The following PPP1R9A variants were observed in gnomAD, a reference collection of about 807,000 sequenced individuals.
PPP1R9A encodes protein phosphatase 1 regulatory subunit 9A.
PPP1R9A carries 59 observed loss-of-function variants against 141.9 expected under a neutral mutation model. That is an observed-to-expected ratio of 0.42 (90% CI 0.34 to 0.52). PPP1R9A has a LOEUF of 0.52. Ranked by LOEUF, PPP1R9A falls within the 20% of genes least tolerant of loss-of-function variation. The pLI, the probability that PPP1R9A is intolerant of heterozygous loss-of-function variation, is 0.10. For missense variants in PPP1R9A, 1,444 were observed against 1,611.9 expected (o/e 0.90, Z 1.78); for synonymous variants, 500 against 569.7 (o/e 0.88, Z 1.74).
intron 2 of PPP1R9A, among the ~76,000 whole-genome samples, chr7:95,019,969 G>A (rs1805671919): frequency 6.6e-6 from 1 of 152,090 alleles, no homozygotes; most frequent in Non-Finnish European, 1.5e-5. Context: ...ATCAACAGGT[G>A]AATGGAGAAA....
chr7:94,997,418 G>A (rs1461509249), intron 2 of PPP1R9A, among the ~76,000 whole-genome samples: 2 of 151,970 alleles, frequency 1.3e-5, no homozygotes, highest in African/African-American at 2.4e-5. Flanking sequence ...TGTTTTGAGT[G>A]CTGTCAAAGC....
intron 2 of PPP1R9A, among the ~76,000 whole-genome samples, chr7:94,942,461 G>A (rs12668984): frequency 1.3e-5 from 2 of 152,134 alleles, no homozygotes; most frequent in Non-Finnish European, 1.5e-5. Context: ...GTAAATAAAG[G>A]TTTATTGAAT....
chr7:95,048,898 A>G (rs1042616751), intron 2 of PPP1R9A, among the ~76,000 whole-genome samples: 3 of 152,152 alleles, frequency 2.0e-5, no homozygotes, highest in African/African-American at 4.8e-5. Flanking sequence ...AACCATTTAT[A>G]TAAGTGTATC....
At chr7:95,144,776 G>A (rs549755621) in intron 4 of PPP1R9A, among the ~76,000 whole-genome samples, 162 of 152,276 alleles carry the variant, frequency 1.1e-3, no homozygotes, top group African/African-American at 3.8e-3. Context: ...CAGACGGGAA[G>A]GGAAGAAGGT....
At chr7:95,001,072 G>A (rs1351465669) in intron 2 of PPP1R9A, among the ~76,000 whole-genome samples, 3 of 152,140 alleles carry the variant, frequency 2.0e-5, no homozygotes, top group African/African-American at 4.8e-5. Context: ...TCCCAGATCT[G>A]TCATTACTGC....
chr7:95,017,536 A>T (rs1348341507), intron 2 of PPP1R9A, among the ~76,000 whole-genome samples: 3 of 152,166 alleles, frequency 2.0e-5, no homozygotes, highest in Non-Finnish European at 2.9e-5. Context: ...CAAAACAAAG[A>T]TGTCTAAGAC....
intron 2 of PPP1R9A, among the ~76,000 whole-genome samples, chr7:94,968,149 C>G (rs142946963): frequency 0.023 from 3,446 of 152,124 alleles, 38 homozygotes; most frequent in Non-Finnish European, 0.033. Flanking sequence ...GCATTGATCC[C>G]TATACCATTA....
intron 2 of PPP1R9A, among the ~76,000 whole-genome samples, chr7:95,051,323 G>A (rs1366084288): frequency 2.6e-5 from 4 of 152,028 alleles, no homozygotes; most frequent in Non-Finnish European, 4.4e-5. Context: ...CTAGGCTATC[G>A]TGTACAATTG....
chr7:95,143,068 T>C (rs1414584968), intron 4 of PPP1R9A, among the ~76,000 whole-genome samples: 1 of 152,166 alleles, frequency 6.6e-6, no homozygotes, highest in African/African-American at 2.4e-5. Context: ...TCTCTGAAGA[T>C]TGGAGTCCTG....
At chr7:95,004,267 G>T (rs1803314984) in intron 2 of PPP1R9A, among the ~76,000 whole-genome samples, 1 of 151,790 alleles carries the variant, frequency 6.6e-6, no homozygotes, top group Non-Finnish European at 1.5e-5. Context: ...GTGCTTTTTT[G>T]CTAAGCTGTG....
chr7:95,280,232 G>A (rs1239295904), intron 16 of PPP1R9A, among the ~76,000 whole-genome samples: 1 of 152,182 alleles, frequency 6.6e-6, no homozygotes, highest in African/African-American at 2.4e-5. Context: ...ATACAAGTCT[G>A]CAATCTTCCT....
rs952460575 is a variant in PPP1R9A at position 95,051,423 on chromosome 7, A to G, written c.1396-59836A>G. On this transcript the variant is annotated intron_variant, in intron 2 of 19. Coordinates refer to ENST00000433360, the MANE Select transcript of PPP1R9A (RefSeq NM_001166160.2). The stretch of plus-strand genomic sequence containing the variant: ...GAAGTTAGGTAGTGTTGGTCCTCCA[A>G]CTTTGTTCTTCTCCTTCAGTATTGT... 3.3e-5 allele frequency among the ~76,000 whole-genome samples: 5 copies of G among 151,996 alleles called. 1 individual carries two copies. The highest frequency in any genetic ancestry group is 3.3e-4 in the Admixed American group (5 of 15,264).
chr7:94,950,457 T>A (rs1159855265), intron 2 of PPP1R9A, among the ~76,000 whole-genome samples: 1 of 152,094 alleles, frequency 6.6e-6, no homozygotes, highest in African/African-American at 2.4e-5. Context: ...ATAAGAGAGC[T>A]CTTCTTAGCC....
chr7:95,142,708 A>G (rs539983792), intron 4 of PPP1R9A, among the ~76,000 whole-genome samples: 26 of 152,168 alleles, frequency 1.7e-4, no homozygotes, highest in African/African-American at 5.8e-4. Flanking sequence ...AATTTTTTTA[A>G]TGAGTGATAT....
intron 8 of PPP1R9A, among the ~76,000 whole-genome samples, chr7:95,234,066 C>T (rs1796344543): frequency 6.6e-6 from 1 of 152,114 alleles, no homozygotes; most frequent in Non-Finnish European, 1.5e-5. Flanking sequence ...AGACCCACAA[C>T]CAACATTATA....
chr7:95,258,229 C>T (rs1481941060), intron 12 of PPP1R9A, among the ~76,000 whole-genome samples: 7 of 151,954 alleles, frequency 4.6e-5, no homozygotes, highest in African/African-American at 9.7e-5. Flanking sequence ...TGAGATGGTA[C>T]CTCATTGTGG....
rs1219244435 is a variant in PPP1R9A, at chr7:95,291,416, G to GT, written c.*1118dup. ...TAACATTTTAGAGAGATTTTGAATG[G>GT]TTTTTCCGAACCATTCCTTTCCATA... On this transcript the variant is annotated 3_prime_UTR_variant, in exon 20 of 20. Coordinates refer to ENST00000433360, the MANE Select transcript of PPP1R9A (RefSeq NM_001166160.2). 1 of 152,136 alleles carries GT rather than the reference G, an allele frequency of 6.6e-6. No individual in the cohort carries two copies. Among genetic ancestry groups the GT allele is most frequent in the African/African-American group, 2.4e-5 (1 of 41,434 alleles). 9.4% of individuals were successfully genotyped at this position (152,136 alleles called of 1,614,324 possible). A position where few individuals can be genotyped will look rare whatever the true frequency, so the allele number is the denominator to read the frequency against.
chr7:95,127,846 A>G (rs892489374), intron 4 of PPP1R9A, among the ~76,000 whole-genome samples: 3 of 152,198 alleles, frequency 2.0e-5, no homozygotes, highest in East Asian at 1.9e-4. Flanking sequence ...GAAGGACATG[A>G]TTTCATTCTT....
intron 2 of PPP1R9A, among the ~76,000 whole-genome samples, chr7:95,053,818 G>A (rs1179663401): frequency 6.6e-6 from 1 of 152,172 alleles, no homozygotes; most frequent in Non-Finnish European, 1.5e-5. Flanking sequence ...GCAGTAGGCA[G>A]TAGCTTGGAG....
Sources: gnomAD v4.1 joint callset for allele counts (sites outside exome capture counted in the v4.1 genomes callset) on GRCh38, gnomAD v4.1.1 for gene constraint, MANE v1.5 for transcripts, NCBI Gene and HGNC (gene_info 2026-07-23, HGNC 2026-07-21) for gene names.